Variants in CRISP1 observed in about 807,000 individuals in gnomAD.
CRISP1 encodes the protein cysteine-rich secretory protein 1.
A neutral mutation model predicts 33.1 loss-of-function variants in CRISP1; 44 were observed. The observed-to-expected ratio is 1.33, with a 90% confidence interval of 1.05 to 1.71. The LOEUF (loss-of-function observed/expected upper bound fraction) is 1.71, where lower values mean the gene tolerates loss of function less well. Among genes scored for constraint, CRISP1 ranks in the 40% most tolerant of loss-of-function variants. The pLI is 0.00. For missense variants in CRISP1, 390 were observed against 301.2 expected (o/e 1.29, Z -2.18); for synonymous variants, 103 against 98.7 (o/e 1.04, Z -0.26).
upstream of CRISP1, among the ~76,000 whole-genome samples, chr6:49,867,928 C>G (rs922598740): frequency 6.6e-6 from 1 of 152,096 alleles, no homozygotes; most frequent in African/African-American, 2.4e-5. Flanking sequence ...ATTACTTCAC[C>G]AAACCAGCAT....
chr6:49,875,013 C>T (rs1249059247), intron 1 of CRISP1, among the ~76,000 whole-genome samples: 1 of 151,858 alleles, frequency 6.6e-6, no homozygotes, highest in Non-Finnish European at 1.5e-5. Flanking sequence ...ACGAGGATGC[C>T]CTTTCACAAT....
At chr6:49,839,895 G>A (rs1397988829) in intron 6 of CRISP1, among the ~76,000 whole-genome samples, 1 of 152,128 alleles carries the variant, frequency 6.6e-6, no homozygotes, top group African/African-American at 2.4e-5. Context: ...GATAGTGGTG[G>A]CGCCACTGAA....
chr6:49,876,972 C>T (rs1772050244), intron 1 of CRISP1: 1 of 151,732 alleles, frequency 6.6e-6, no homozygotes, highest in African/African-American at 2.4e-5. Flanking sequence ...ATCTGTGCAG[C>T]AAACCACCAT....
intron 2 of CRISP1, 63 bp downstream of exon 2, chr6:49,857,272 A>T (rs953019740): frequency 1.3e-6 from 2 of 1,505,336 alleles, no homozygotes; most frequent in Admixed American, 1.7e-5. Context: ...GGTGAATTGT[A>T]TTAAAGTGTT....
At position 49,857,352 on chromosome 6, in the gene CRISP1, G is replaced by C. The variant is rs1463195417; in HGVS notation, c.49C>G (p.Pro17Ala). Residue 17 changes from proline (P) to alanine (A), a missense_variant, in exon 2 of 8, where the codon CCT (proline) becomes GCT (alanine). Transcript: ENST00000335847. ...LFLVAAACLL[P>A]MLSMKKKSAR... ...TCACATACTTTCATGGACAACATAGGCAGTAAGCAAGCAGCAGCAACCAAA... is the reference window on the plus strand; with the variant it reads ...TCACATACTTTCATGGACAACATAGCCAGTAAGCAAGCAGCAGCAACCAAA... 6.2e-7 allele frequency: 1 copy of C among 1,612,886 alleles called. No individual in the cohort carries two copies. The highest frequency in any genetic ancestry group is 2.2e-5 in the East Asian group (1 of 44,766).
chr6:49,870,450 G>T (rs540104667), upstream of CRISP1, among the ~76,000 whole-genome samples: 1 of 152,080 alleles, frequency 6.6e-6, no homozygotes, highest in Admixed American at 6.6e-5. Context: ...GGAAAGTGAG[G>T]GAGCTGTGTG....
intron 1 of CRISP1, among the ~76,000 whole-genome samples, chr6:49,864,249 G>C (rs1295452598): frequency 6.6e-6 from 1 of 151,762 alleles, no homozygotes; most frequent in Non-Finnish European, 1.5e-5. Context: ...AGTATTCCAT[G>C]GTATACACAC....
At chr6:49,876,459 A>AC (rs146371819) in intron 1 of CRISP1, among the ~76,000 whole-genome samples, 1 of 151,980 alleles carries the variant, frequency 6.6e-6, no homozygotes, top group Non-Finnish European at 1.5e-5. Flanking sequence ...TAGTTCAACA[A>AC]TGTGGAAGAC....
chr6:49,838,632 T>C (rs1582254573), intron 6 of CRISP1, 107 bp from the exon 7 acceptor site: 1 of 737,410 alleles, frequency 1.4e-6, no homozygotes, highest in South Asian at 1.9e-5. Context: ...TAAACATTCT[T>C]GTAAAGAACA....
intron 3 of CRISP1, among the ~76,000 whole-genome samples, chr6:49,850,505 A>T (rs1055503556): frequency 6.6e-6 from 1 of 151,526 alleles, no homozygotes; most frequent in Non-Finnish European, 1.5e-5. Flanking sequence ...TTTTTTTTTT[A>T]AAGAAAATCT....
chr6:49,869,436 TC>T (rs1771873244), upstream of CRISP1, among the ~76,000 whole-genome samples: 1 of 152,132 alleles, frequency 6.6e-6, no homozygotes, highest in Non-Finnish European at 1.5e-5. Flanking sequence ...ACTTTAATAT[TC>T]TATTGTTCAC....
intron 1 of CRISP1, among the ~76,000 whole-genome samples, chr6:49,864,697 G>C (rs1771754826): frequency 6.6e-6 from 1 of 152,120 alleles, no homozygotes; most frequent in African/African-American, 2.4e-5. Flanking sequence ...CAGCCACTTT[G>C]ATCCCATCTT....
At position 49,840,913 on chromosome 6, in the gene CRISP1, C is replaced by T; in HGVS notation, c.518G>A (p.Cys173Tyr). ...TAATACATACTCATGACAATAGTGA[C>T]AAACGTAGAGATATCGAGGTGATCC... ...QQGSPRYLYVCHYCHEGNDPE... is the reference protein window; with the variant it reads ...QQGSPRYLYVYHYCHEGNDPE... The change falls in exon 6 of 8, where the codon TGT becomes TAT. Residue 173 changes from cysteine (C) to tyrosine (Y), a missense_variant. Coordinates refer to ENST00000335847, the MANE Select transcript of CRISP1 (RefSeq NM_001131.3). 12 of 1,613,298 alleles carry T rather than the reference C, an allele frequency of 7.4e-6. No homozygotes were observed. Among genetic ancestry groups the T allele is most frequent in the Non-Finnish European group, 1.0e-5 (12 of 1,179,552 alleles).
intron 1 of CRISP1, among the ~76,000 whole-genome samples, chr6:49,866,050 G>T (rs1227988662): frequency 6.6e-6 from 1 of 152,000 alleles, no homozygotes; most frequent in Non-Finnish European, 1.5e-5. Context: ...TTTGACTATG[G>T]CCCCTTATTA....
Position 49,851,946 on chromosome 6 carries a change from A to G in CRISP1, c.195+55T>C. Reference sequence around the variant, plus strand: ...AAGTGCATAGAACTTAATAAAACTCAGTAAACACCATTACTATTATTGCAA... The same window carrying G: ...AAGTGCATAGAACTTAATAAAACTCGGTAAACACCATTACTATTATTGCAA... On this transcript the variant is annotated intron_variant, in intron 3 of 7. Coordinates refer to ENST00000335847, the MANE Select transcript of CRISP1 (RefSeq NM_001131.3). The G allele has an allele frequency of 6.4e-6, 10 of 1,551,272 alleles. No homozygotes were observed. The South Asian group carries it at 1.2e-4, about 19-fold the overall frequency.
At chr6:49,859,394 C>G (rs1026244557) in intron 1 of CRISP1, among the ~76,000 whole-genome samples, 2 of 144,720 alleles carry the variant, frequency 1.4e-5, no homozygotes, top group Non-Finnish European at 3.0e-5. Context: ...TTAACAAGTG[C>G]TGAAAGAAAA....
rs375513174 is a variant in CRISP1 at position 49,859,672 on chromosome 6, T to C, written c.-2-2270A>G. The stretch of plus-strand genomic sequence containing the variant: ...CAAAAACTCAAATGTTATCACTACA[T>C]AAAACTACCTAACCACCATGATAAA... On this transcript the variant is annotated intron_variant, in intron 1 of 7. Coordinates refer to ENST00000335847, the MANE Select transcript of CRISP1 (RefSeq NM_001131.3). 7.2e-5 allele frequency among the ~76,000 whole-genome samples: 11 copies of C among 151,836 alleles called. 1 individual carries two copies. Among genetic ancestry groups the C allele is most frequent in the African/African-American group, 2.7e-4 (11 of 41,410 alleles).
At chr6:49,871,129 C>CAAA (rs55712975), upstream of CRISP1, among the ~76,000 whole-genome samples, 4 of 146,796 alleles carry the variant, frequency 2.7e-5, no homozygotes, top group African/African-American at 7.5e-5. Flanking sequence ...ACAAAACAAA[C>CAAA]AAAAAAAAAA....
chr6:49,841,072 G>A (rs922345571), intron 5 of CRISP1, 77 bp from the exon 6 acceptor site: 4 of 1,277,486 alleles, frequency 3.1e-6, no homozygotes, highest in Non-Finnish European at 3.3e-6. Context: ...TGTCATCCAT[G>A]ATTAAAAGTA....
Sources: allele counts gnomAD v4.1 joint callset (sites outside exome capture counted in the v4.1 genomes callset), GRCh38; gene constraint gnomAD v4.1.1; transcripts MANE v1.5; gene names NCBI Gene and HGNC (gene_info 2026-07-23, HGNC 2026-07-21).